SV2B: variants seen among roughly 807,000 people sequenced by gnomAD.
SV2B encodes solute carrier family 22 member B2.
Under a neutral mutation model 73.9 loss-of-function variants are expected in SV2B, and 41 were observed. The observed-to-expected ratio is 0.56, with a 90% CI of 0.43 to 0.72. The LOEUF is 0.72. SV2B is among the 30% of genes least tolerant of loss of function. The pLI is 0.00. For missense variants in SV2B, 764 were observed against 857.8 expected (o/e 0.89, Z 1.37); for synonymous variants, 314 against 314.2 (o/e 1.00, Z 0.01).
At chr15:91,145,359 T>C (rs1466804762) in intron 1 of SV2B, among the ~76,000 whole-genome samples, 1 of 152,254 alleles carries the variant, frequency 6.6e-6, no homozygotes, top group East Asian at 1.9e-4. Flanking sequence ...ATGGTGTACA[T>C]GTACCACATT....
intron 1 of SV2B, among the ~76,000 whole-genome samples, chr15:91,180,398 C>G (rs1396179762): frequency 6.6e-6 from 1 of 151,784 alleles, no homozygotes; most frequent in Admixed American, 6.6e-5. Context: ...CGAGGAGTAT[C>G]TTTGTGGCGT....
rs536957770 is a variant in SV2B, at chr15:91,258,681, C to A, written c.918+127C>A. On this transcript the variant is annotated intron_variant, in intron 5 of 12. Transcript: ENST00000394232. This position sits in a 1 kb window ranked among gnomAD's most constrained non-coding sequence, Gnocchi z 4.7. ...TATGTGTTGCAAACTCTCCCCTGGT[C>A]GGCTGACCTCACTCATCATTGAATC... 1.5e-6 allele frequency: 2 copies of A among 1,354,720 alleles called. No individual in the cohort carries two copies. The highest frequency in any genetic ancestry group is 1.5e-5 in the African/African-American group (1 of 68,664). 83.9% of individuals were successfully genotyped at this position (1,354,720 alleles called of 1,614,324 possible).
In SV2B at chr15:91,272,345, AC is replaced by A. The variant is rs908250399; in HGVS notation, c.1373+3742del. On this transcript the variant is annotated intron_variant, in intron 9 of 12. Coordinates refer to ENST00000394232, the MANE Select transcript of SV2B (RefSeq NM_001323032.3). ...AACTAAGTAATTAATTAACAAACTT[AC>A]CTTCTCTTCCTGGGAAGACATTTCT... Among the ~76,000 whole-genome samples, 7 of 152,276 alleles carry A rather than the reference AC, an allele frequency of 4.6e-5. No individual in the cohort carries two copies. The South Asian group carries it at 8.3e-4, about 18-fold the overall frequency.
intron 1 of SV2B, among the ~76,000 whole-genome samples, chr15:91,116,561 G>C (rs2042184265): frequency 6.6e-6 from 1 of 152,058 alleles, no homozygotes; most frequent in South Asian, 2.1e-4. Flanking sequence ...ATTTCCCGTG[G>C]GACTTTCCCT....
chr15:91,128,449 C>A lies in SV2B; in HGVS notation c.-392+28086C>A, dbSNP rs2042549410. 6.6e-6 allele frequency among the ~76,000 whole-genome samples: 1 copy of A among 152,216 alleles called. No homozygotes were observed. Among genetic ancestry groups the A allele is most frequent in the South Asian group, 2.1e-4 (1 of 4,830 alleles). ...CACCTGGCTGAATATGAGATCCCTA[C>A]ATTGCTATTGGCGCTCAGAAAACAA... On this transcript the variant is annotated intron_variant, in intron 1 of 12. Transcript: ENST00000394232. The surrounding 1 kb of genome is among the most constrained non-coding windows in gnomAD (Gnocchi z 4.2).
chr15:91,107,338 G>T (rs1226729703), intron 1 of SV2B, among the ~76,000 whole-genome samples: 1 of 85,474 alleles, frequency 1.2e-5, no homozygotes. Flanking sequence ...TTTTGAGATG[G>T]AGTATCCTTC....
intron 11 of SV2B, among the ~76,000 whole-genome samples, chr15:91,287,230 C>T (rs1464763608): frequency 6.6e-6 from 1 of 152,140 alleles, no homozygotes; most frequent in Admixed American, 6.5e-5. Flanking sequence ...TCTTGCAGCC[C>T]CAGGTCTGAG....
At chr15:91,216,557 C>T (rs1457463926) in intron 1 of SV2B, among the ~76,000 whole-genome samples, 2 of 151,624 alleles carry the variant, frequency 1.3e-5, no homozygotes, top group African/African-American at 2.4e-5. Flanking sequence ...GTGGCAACCT[C>T]CACCTCCCAG....
chr15:91,201,285 T>C (rs2045451933), intron 1 of SV2B, among the ~76,000 whole-genome samples: 1 of 152,164 alleles, frequency 6.6e-6, no homozygotes, highest in African/African-American at 2.4e-5. Flanking sequence ...AATTTTAAAA[T>C]ACTAAAATGG....
chr15:91,199,816 G>A (rs1318549509), intron 1 of SV2B, among the ~76,000 whole-genome samples: 1 of 152,176 alleles, frequency 6.6e-6, no homozygotes, highest in Non-Finnish European at 1.5e-5. Context: ...ATTAATCTCA[G>A]GCCTGTGTGA....
chr15:91,180,365 A>G (rs1295122855), intron 1 of SV2B, among the ~76,000 whole-genome samples: 2 of 151,584 alleles, frequency 1.3e-5, no homozygotes, highest in East Asian at 1.9e-4. Context: ...TCTGACAATT[A>G]TGTGTCTTGG....
In SV2B at chr15:91,268,655, G is replaced by T. The variant is rs377752853; in HGVS notation, c.1373+50G>T. The T allele has an allele frequency of 1.9e-6, 3 of 1,585,502 alleles. No individual in the cohort carries two copies. The highest frequency in any genetic ancestry group is 1.1e-5 in the South Asian group (1 of 88,426). The stretch of plus-strand genomic sequence containing the variant: ...CTCACATCAGGGTGACAGTCGTGGG[G>T]ACTGTTATTGGGAGGGAGCCGGAGG... On this transcript the variant is annotated intron_variant, in intron 9 of 12. Transcript: ENST00000394232. The surrounding 1 kb of genome is among the most constrained non-coding windows in gnomAD (Gnocchi z 4.4).
At position 91,253,459 on chromosome 15, in the gene SV2B, G is replaced by T. The variant is rs1392064246; in HGVS notation, c.784+939G>T. On this transcript the variant is annotated intron_variant, in intron 4 of 12. Coordinates refer to ENST00000394232, the MANE Select transcript of SV2B (RefSeq NM_001323032.3). This position sits in a 1 kb window ranked among gnomAD's most constrained non-coding sequence, Gnocchi z 5.0. ...TATATGTTTTTAAGAACAAGCTTTG[G>T]TTTAGACAGTACCTACTGTATTAGT... Among the ~76,000 whole-genome samples, 1 of 152,192 alleles carries T rather than the reference G, an allele frequency of 6.6e-6. No individual in the cohort carries two copies. The highest frequency in any genetic ancestry group is 1.5e-5 in the Non-Finnish European group (1 of 68,032).
chr15:91,193,632 G>A (rs954336657), intron 1 of SV2B, among the ~76,000 whole-genome samples: 5 of 152,152 alleles, frequency 3.3e-5, no homozygotes, highest in African/African-American at 9.7e-5. Context: ...AGGACATTCT[G>A]CCATTCTGAA....
In SV2B at chr15:91,288,643, TTCTCTC is replaced by T. The variant is rs369783225; in HGVS notation, c.1709-867_1709-862del. Among the ~76,000 whole-genome samples, 1 of 151,228 alleles carries T rather than the reference TTCTCTC, an allele frequency of 6.6e-6. No individual in the cohort carries two copies. Among genetic ancestry groups the T allele is most frequent in the African/African-American group, 2.4e-5 (1 of 41,166 alleles). On this transcript the variant is annotated intron_variant, in intron 11 of 12. Transcript: ENST00000394232. The surrounding 1 kb of genome is among the most constrained non-coding windows in gnomAD (Gnocchi z 5.8). ...CTCTCTCTCTTTCTCTCTTCTTTCT[TTCTCTC>T]TCTCTCTCTCCTTCCTTCCTTCCTT... is the stretch of plus-strand genomic sequence containing the variant.
At chr15:91,200,534 T>TAGC (rs1457339612) in intron 1 of SV2B, among the ~76,000 whole-genome samples, 2 of 152,140 alleles carry the variant, frequency 1.3e-5, no homozygotes, top group Non-Finnish European at 2.9e-5. Context: ...TGGTCAGTGG[T>TAGC]AGCAGACCTG....
Position 91,140,614 on chromosome 15 carries a change from C to G in SV2B, c.-392+40251C>G, listed in dbSNP as rs758816014. Among the ~76,000 whole-genome samples, 1 of 152,166 alleles carries G rather than the reference C, an allele frequency of 6.6e-6. No homozygotes were observed. Among genetic ancestry groups the G allele is most frequent in the Non-Finnish European group, 1.5e-5 (1 of 68,040 alleles). On this transcript the variant is annotated intron_variant, in intron 1 of 12. Coordinates refer to ENST00000394232, the MANE Select transcript of SV2B (RefSeq NM_001323032.3). This position sits in a 1 kb window ranked among gnomAD's most constrained non-coding sequence, Gnocchi z 4.4. ...GTAGCCCATTGCTCTCCTCTTTGAT[C>G]TCCTCCAACAGAGTGGAGAACATGT...
chr15:91,243,970 A>T (rs1401958641), intron 2 of SV2B, among the ~76,000 whole-genome samples: 2 of 152,282 alleles, frequency 1.3e-5, no homozygotes, highest in East Asian at 3.9e-4. Flanking sequence ...CCTCAGGCAG[A>T]GTGACAAATG....
At chr15:91,120,247 G>A (rs6496761) in intron 1 of SV2B, among the ~76,000 whole-genome samples, 62,572 of 151,992 alleles carry the variant, frequency 0.41, 14,029 homozygotes, top group Middle Eastern at 0.49. Flanking sequence ...AAATCATGGC[G>A]GAAGGTGAAG....
Sources: allele counts gnomAD v4.1 joint callset (sites outside exome capture counted in the v4.1 genomes callset), GRCh38; gene constraint gnomAD v4.1.1; non-coding constraint Gnocchi (gnomAD v3.1); transcripts MANE v1.5; gene names NCBI Gene and HGNC (gene_info 2026-07-23, HGNC 2026-07-21).